JMJD1C: variants seen among roughly 807,000 people sequenced by gnomAD.
JMJD1C encodes the protein jumonji domain-containing protein 1C.
A neutral mutation model predicts 245.3 loss-of-function variants in JMJD1C; 31 were observed. The ratio of observed to expected loss-of-function variants is 0.13; its 90% CI spans 0.09 to 0.17. The LOEUF (loss-of-function observed/expected upper bound fraction) is 0.17, where lower values mean the gene tolerates loss of function less well. Ranked by LOEUF, JMJD1C falls within the 10% of genes least tolerant of loss-of-function variation. The pLI is 1.00. For missense variants in JMJD1C, 2,691 were observed against 3,000.2 expected (o/e 0.90, Z 2.41); for synonymous variants, 1,057 against 1,017.4 (o/e 1.04, Z -0.74).
At chr10:63,377,210 C>T (rs1946811003) in intron 2 of JMJD1C, among the ~76,000 whole-genome samples, 1 of 152,112 alleles carries the variant, frequency 6.6e-6, no homozygotes, top group Non-Finnish European at 1.5e-5. Flanking sequence ...ATGAGATACT[C>T]AGAGACCGAA....
intron 1 of JMJD1C, among the ~76,000 whole-genome samples, chr10:63,392,696 G>A (rs1214785097): frequency 6.6e-6 from 1 of 151,568 alleles, no homozygotes; most frequent in Admixed American, 6.6e-5. Context: ...GTGGTGGCAT[G>A]CACCTGTAAT....
chr10:63,207,774 G>C lies in JMJD1C; in HGVS notation c.3895C>G (p.Gln1299Glu), dbSNP rs779022331. The stretch of plus-strand genomic sequence containing the variant: ...ACAATGACAGATGCCATAGCAGCCT[G>C]TAACTTTCCGCTGCTTTTCTCCACA... ...WHVEKSSGKL[Q>E]AAMASVIVRP... Residue 1299 changes from glutamine to glutamate, a missense_variant, in exon 10 of 26, where the codon CAG (glutamine) becomes GAG (glutamate). By Grantham distance (29) the Gln-to-Glu change is conservative. Around this residue, in one of 9 missense-constraint regions of JMJD1C, gnomAD observed 1,562 missense variants for 1,490.7 expected, o/e 1.05. Coordinates refer to ENST00000399262, the MANE Select transcript of JMJD1C (RefSeq NM_032776.3). The C allele has an allele frequency of 1.9e-6, 3 of 1,614,154 alleles. No individual in the cohort carries two copies. The South Asian group carries it at 3.3e-5, about 18-fold the overall frequency.
chr10:63,226,363 T>C (rs551323282), intron 3 of JMJD1C, among the ~76,000 whole-genome samples: 1 of 152,276 alleles, frequency 6.6e-6, no homozygotes, highest in African/African-American at 2.4e-5. Flanking sequence ...AGGTTAACAC[T>C]GTGCTGAATG....
intron 1 of JMJD1C, among the ~76,000 whole-genome samples, chr10:63,418,044 G>C (rs1010564797): frequency 3.3e-5 from 5 of 152,166 alleles, no homozygotes; most frequent in Non-Finnish European, 1.5e-5. Flanking sequence ...ATCATAGAAA[G>C]ATAAATAACC....
intron 3 of JMJD1C, among the ~76,000 whole-genome samples, chr10:63,221,216 A>C (rs1363444036): frequency 1.3e-5 from 2 of 152,234 alleles, no homozygotes; most frequent in Non-Finnish European, 2.9e-5. Context: ...CAACTTTGAA[A>C]AGCCAAAAGG....
intron 1 of JMJD1C, among the ~76,000 whole-genome samples, chr10:63,447,060 G>C (rs1472303665): frequency 8.9e-6 from 1 of 112,768 alleles, no homozygotes; most frequent in Non-Finnish European, 1.8e-5. Context: ...ATATCTGTAA[G>C]CATTTTATAA....
intron 1 of JMJD1C, among the ~76,000 whole-genome samples, chr10:63,495,979 C>G (rs1240417933): frequency 6.7e-6 from 1 of 149,270 alleles, no homozygotes; most frequent in East Asian, 2.0e-4. Context: ...TTGCTACTAA[C>G]AGACATTATG....
At chr10:63,485,437 A>T (rs938742100) in intron 1 of JMJD1C, among the ~76,000 whole-genome samples, 12 of 152,196 alleles carry the variant, frequency 7.9e-5, no homozygotes, top group Non-Finnish European at 4.4e-5. Context: ...AGCAGGGAGA[A>T]AAAAAAGAAA....
chr10:63,387,628 A>ATTTTTTTTTTTTTTTTTTTT (rs1564863555), intron 1 of JMJD1C, among the ~76,000 whole-genome samples: 4 of 18,526 alleles, frequency 2.2e-4, no homozygotes, highest in African/African-American at 3.1e-4. Flanking sequence ...AGAAAAAAAA[A>ATTTTTTTTTTTTTTTTTTTT]ATTTTTTTTT....
At position 63,300,324 on chromosome 10, in the gene JMJD1C, AGATGAAAATAT is replaced by A. The variant is rs1859930350; in HGVS notation, c.334-35571_334-35561del. Among the ~76,000 whole-genome samples the A allele has an allele frequency of 2.0e-5, 3 of 152,186 alleles. No individual in the cohort carries two copies. In the East Asian group the frequency reaches 5.8e-4, roughly 29 times the overall value. ...GTTATCAAAAGCACAATAAGATTAGAGATGAAAATATTTGTACCAAAAGAAAGGGAAGCTAT... is the reference window on the plus strand; with the variant it reads ...GTTATCAAAAGCACAATAAGATTAGATTGTACCAAAAGAAAGGGAAGCTAT... On this transcript the variant is annotated intron_variant, in intron 2 of 25. Transcript: ENST00000399262.
chr10:63,302,814 T>G (rs1860260322), intron 2 of JMJD1C, among the ~76,000 whole-genome samples: 1 of 152,182 alleles, frequency 6.6e-6, no homozygotes, highest in African/African-American at 2.4e-5. Context: ...TCTTAAAAAG[T>G]AGATTCAAGT....
At chr10:63,445,413 G>C (rs1040227947) in intron 1 of JMJD1C, among the ~76,000 whole-genome samples, 4 of 152,080 alleles carry the variant, frequency 2.6e-5, no homozygotes, top group African/African-American at 9.7e-5. Context: ...GAGTCATGTG[G>C]GTATCTTTGG....
At chr10:63,301,700 A>G (rs2133992937) in intron 2 of JMJD1C, 1 of 447,404 alleles carries the variant, frequency 2.2e-6, no homozygotes. Flanking sequence ...ACAAATACCT[A>G]ATGCATATGC....
chr10:63,285,969 T>G (rs533566594), intron 2 of JMJD1C, among the ~76,000 whole-genome samples: 1 of 152,322 alleles, frequency 6.6e-6, no homozygotes, highest in African/African-American at 2.4e-5. Flanking sequence ...AATAACAAAA[T>G]GACATCATTC....
chr10:63,231,828 ACTAT>A (rs1202647476), intron 3 of JMJD1C, among the ~76,000 whole-genome samples: 1 of 151,922 alleles, frequency 6.6e-6, no homozygotes, highest in East Asian at 1.9e-4. Flanking sequence ...AAGAAAATAG[ACTAT>A]CTCCTTTACT....
chr10:63,379,186 T>C (rs1382215806), intron 2 of JMJD1C, among the ~76,000 whole-genome samples: 1 of 152,124 alleles, frequency 6.6e-6, no homozygotes, highest in African/African-American at 2.4e-5. Flanking sequence ...GCAGAAGCTA[T>C]CCTTGTAATT....
chr10:63,487,797 G>A (rs573417724), intron 1 of JMJD1C, among the ~76,000 whole-genome samples: 1 of 152,140 alleles, frequency 6.6e-6, no homozygotes, highest in Non-Finnish European at 1.5e-5. Context: ...TACATTCATC[G>A]GGAATAATGT....
At chr10:63,235,032 G>GA (rs975655947) in intron 3 of JMJD1C, among the ~76,000 whole-genome samples, 4 of 151,650 alleles carry the variant, frequency 2.6e-5, no homozygotes, top group African/African-American at 4.8e-5. Flanking sequence ...AATGTTCTAG[G>GA]AAAAAAACAG....
At chr10:63,467,255 T>A (rs895223932), upstream of JMJD1C, among the ~76,000 whole-genome samples, 10 of 151,436 alleles carry the variant, frequency 6.6e-5, no homozygotes, top group Non-Finnish European at 1.0e-4. Flanking sequence ...ACGCCTGTAA[T>A]CCCTGCACTT....
Sources: gnomAD v4.1 joint callset for allele counts (sites outside exome capture counted in the v4.1 genomes callset) on GRCh38, gnomAD v4.1.1 for gene constraint, gnomAD v4.1.1 regional missense constraint, MANE v1.5 for transcripts, NCBI Gene and HGNC (gene_info 2026-07-23, HGNC 2026-07-21) for gene names.